The following ANTXR1 variants were observed in gnomAD, a reference collection of about 807,000 sequenced individuals.
The protein encoded by ANTXR1 is anthrax toxin receptor 1.
In ANTXR1, 19 loss-of-function variants were observed where a neutral mutation model predicts 78.1. That is an observed-to-expected ratio of 0.24 (90% CI 0.17 to 0.36). The LOEUF is 0.36. Among genes scored for constraint, ANTXR1 ranks in the 10% least tolerant of loss-of-function variants. The probability of loss-of-function intolerance (pLI) is 1.00; values close to 1 mark genes in which losing one functional copy is unlikely to be tolerated. For missense variants in ANTXR1, 518 were observed against 718.6 expected (o/e 0.72, Z 3.19); for synonymous variants, 273 against 260.5 (o/e 1.05, Z -0.46).
chr2:69,146,520 G>A (rs62134412), intron 12 of ANTXR1: 57,946 of 444,012 alleles, frequency 0.13, 4,141 homozygotes, highest in Admixed American at 0.15. Context: ...CTACATGCAG[G>A]GGCTACCTGG....
At chr2:69,081,024 A>C (rs1318973131) in intron 8 of ANTXR1, among the ~76,000 whole-genome samples, 1 of 152,224 alleles carries the variant, frequency 6.6e-6, no homozygotes, top group Non-Finnish European at 1.5e-5. Flanking sequence ...ACATCATGGC[A>C]CTCAGAATCA....
chr2:69,131,188 T>C (rs894180555), intron 12 of ANTXR1, among the ~76,000 whole-genome samples: 9 of 152,322 alleles, frequency 5.9e-5, no homozygotes, highest in Middle Eastern at 3.4e-3. Context: ...CTCTTTCTGA[T>C]ATAAAGATAG....
chr2:69,111,771 G>A (rs116219863), intron 10 of ANTXR1, among the ~76,000 whole-genome samples: 1 of 152,328 alleles, frequency 6.6e-6, no homozygotes, highest in Admixed American at 6.5e-5. Context: ...ACACTCATTC[G>A]AACGTAGACG....
At chr2:69,212,451 T>C (rs750816510) in intron 17 of ANTXR1, among the ~76,000 whole-genome samples, 3 of 152,216 alleles carry the variant, frequency 2.0e-5, no homozygotes, top group African/African-American at 2.4e-5. Flanking sequence ...CACACTTAGC[T>C]GCAGGGCAGT....
chr2:69,186,983 C>T (rs1308293274), intron 16 of ANTXR1, among the ~76,000 whole-genome samples: 1 of 152,202 alleles, frequency 6.6e-6, no homozygotes, highest in Non-Finnish European at 1.5e-5. Context: ...AACAGCTCTA[C>T]CTCACACAAA....
chr2:69,168,068 C>T (rs564943660), intron 13 of ANTXR1, among the ~76,000 whole-genome samples: 1 of 152,328 alleles, frequency 6.6e-6, no homozygotes, highest in African/African-American at 2.4e-5. Flanking sequence ...CTGACTCCCC[C>T]AAAACCCTTG....
chr2:69,039,588 C>G (rs1669552733), intron 1 of ANTXR1, among the ~76,000 whole-genome samples: 2 of 152,072 alleles, frequency 1.3e-5, no homozygotes, highest in Admixed American at 6.5e-5. Flanking sequence ...ACAGATTTTG[C>G]ATCTATATTT....
chr2:69,077,492 A>G lies in ANTXR1; in HGVS notation c.642+4A>G. On this transcript the variant is annotated splice_donor_region_variant and intron_variant, in intron 8 of 17. Transcript: ENST00000303714. Reference sequence around the variant, plus strand: ...TCTGCAAGGCATCATCCACTCAGTAAGTAGAGCTCTTCCTCTGAGACTAGA... The same window carrying G: ...TCTGCAAGGCATCATCCACTCAGTAGGTAGAGCTCTTCCTCTGAGACTAGA... 6.2e-7 allele frequency: 1 copy of G among 1,614,108 alleles called. No individual in the cohort carries two copies. The highest frequency in any genetic ancestry group is 8.5e-7 in the Non-Finnish European group (1 of 1,179,980).
intron 14 of ANTXR1, among the ~76,000 whole-genome samples, chr2:69,177,172 A>G (rs1279596463): frequency 1.3e-5 from 2 of 152,226 alleles, no homozygotes; most frequent in African/African-American, 4.8e-5. Flanking sequence ...AGAGCATTGC[A>G]TTCTCTGGGG....
chr2:69,223,576 C>T (rs1341620863), intron 17 of ANTXR1, among the ~76,000 whole-genome samples: 1 of 152,146 alleles, frequency 6.6e-6, no homozygotes, highest in Non-Finnish European at 1.5e-5. Context: ...TGGGAGGTCA[C>T]CGATGAAGCT....
At chr2:69,089,401 A>C (rs749882830) in intron 8 of ANTXR1, among the ~76,000 whole-genome samples, 13 of 152,234 alleles carry the variant, frequency 8.5e-5, no homozygotes, top group South Asian at 6.2e-4. Flanking sequence ...CTTCTGAGAA[A>C]CTGATTTGTT....
At chr2:69,058,608 A>G (rs1270910930) in intron 3 of ANTXR1, among the ~76,000 whole-genome samples, 1 of 152,210 alleles carries the variant, frequency 6.6e-6, no homozygotes, top group African/African-American at 2.4e-5. Flanking sequence ...GATCTGATAA[A>G]GGTGTACAAG....
intron 17 of ANTXR1, among the ~76,000 whole-genome samples, chr2:69,205,156 G>A (rs1573975674): frequency 6.6e-6 from 1 of 152,144 alleles, no homozygotes; most frequent in Non-Finnish European, 1.5e-5. Flanking sequence ...GGAGCATAGA[G>A]CCAGAAGATT....
At chr2:69,144,184 T>C (rs1330779066) in intron 12 of ANTXR1, among the ~76,000 whole-genome samples, 1 of 152,220 alleles carries the variant, frequency 6.6e-6, no homozygotes, top group Non-Finnish European at 1.5e-5. Context: ...GCCAGTCCTG[T>C]GAATCCCTTC....
intron 13 of ANTXR1, among the ~76,000 whole-genome samples, chr2:69,163,175 C>T (rs951124414): frequency 5.9e-5 from 9 of 151,928 alleles, no homozygotes; most frequent in East Asian, 1.9e-4. Flanking sequence ...AGAAACAAGA[C>T]GGAAGGAAGG....
At chr2:69,157,776 C>T (rs1333527427) in intron 13 of ANTXR1, among the ~76,000 whole-genome samples, 2 of 152,194 alleles carry the variant, frequency 1.3e-5, no homozygotes, top group Non-Finnish European at 2.9e-5. Context: ...CATCTCCCAC[C>T]TGAATTATTT....
At chr2:69,113,096 G>C (rs896521148) in intron 10 of ANTXR1, among the ~76,000 whole-genome samples, 1 of 152,154 alleles carries the variant, frequency 6.6e-6, no homozygotes, top group Non-Finnish European at 1.5e-5. Flanking sequence ...CGTGAAAATC[G>C]TGAGCTCCAC....
chr2:69,144,845 G>GA (rs1673176786), intron 12 of ANTXR1, among the ~76,000 whole-genome samples: 1 of 152,192 alleles, frequency 6.6e-6, no homozygotes. Flanking sequence ...AGCCACCAGA[G>GA]AGGCTTCTGA....
chr2:69,116,612 G>C (rs539993279), intron 10 of ANTXR1, among the ~76,000 whole-genome samples: 2 of 152,224 alleles, frequency 1.3e-5, no homozygotes, highest in Non-Finnish European at 2.9e-5. Context: ...AAACAGCAAG[G>C]CGAGCTCATT....
Sources: gnomAD v4.1 joint callset for allele counts (sites outside exome capture counted in the v4.1 genomes callset) on GRCh38, gnomAD v4.1.1 for gene constraint, MANE v1.5 for transcripts, NCBI Gene and HGNC (gene_info 2026-07-23, HGNC 2026-07-21) for gene names.